The following PTDSS1 variants were observed in gnomAD, a reference collection of about 807,000 sequenced individuals.
The protein encoded by PTDSS1 is phosphatidylserine synthase 1, also known as PSS-1.
Under a neutral mutation model 70.5 loss-of-function variants are expected in PTDSS1, and 45 were observed. That is an observed-to-expected ratio of 0.64 (90% CI 0.50 to 0.82). The LOEUF (loss-of-function observed/expected upper bound fraction) is 0.82, where lower values mean the gene tolerates loss of function less well. PTDSS1 is among the 40% of genes least tolerant of loss of function. The pLI is 0.00. For missense variants in PTDSS1, 417 were observed against 586.1 expected (o/e 0.71, Z 2.98); for synonymous variants, 188 against 203.8 (o/e 0.92, Z 0.66).
At chr8:96,311,596 G>C (rs1355760201) in intron 9 of PTDSS1, among the ~76,000 whole-genome samples, 3 of 152,098 alleles carry the variant, frequency 2.0e-5, no homozygotes, top group Non-Finnish European at 4.4e-5. Flanking sequence ...AGTTTTAAAG[G>C]CTAAAAATGT....
chr8:96,327,488 T>C (rs1313563538), intron 10 of PTDSS1, among the ~76,000 whole-genome samples: 4 of 152,118 alleles, frequency 2.6e-5, no homozygotes, highest in Non-Finnish European at 5.9e-5. Context: ...TCCTGACCTT[T>C]ATTATAAAGA....
At chr8:96,309,327 A>G in intron 8 of PTDSS1, 1 of 408,612 alleles carries the variant, frequency 2.4e-6, no homozygotes, top group Non-Finnish European at 4.4e-6. Flanking sequence ...CCAGACAAGA[A>G]TCTGGCTCTT....
At chr8:96,295,861 A>G (rs1338366739) in intron 5 of PTDSS1, among the ~76,000 whole-genome samples, 2 of 152,178 alleles carry the variant, frequency 1.3e-5, no homozygotes, top group Non-Finnish European at 2.9e-5. Context: ...ATACTTCTCC[A>G]TGCTCATCAT....
rs1235986750 is a variant in PTDSS1, at chr8:96,334,811, T to TC, written c.*1247dup. 6.6e-6 allele frequency: 1 copy of TC among 152,244 alleles called. No homozygotes were observed. Among genetic ancestry groups the TC allele is most frequent in the Non-Finnish European group, 1.5e-5 (1 of 68,040 alleles). 9.4% of individuals were successfully genotyped at this position (152,244 alleles called of 1,614,324 possible). On this transcript the variant is annotated 3_prime_UTR_variant, in exon 13 of 13. Coordinates refer to ENST00000517309, the MANE Select transcript of PTDSS1 (RefSeq NM_014754.3). Reference sequence around the variant, plus strand: ...ATGGTTTCCAAGTTGGACTTTTTTTTCCTCTAACAAGAGGCCAGTACCCAG... The same window carrying TC: ...ATGGTTTCCAAGTTGGACTTTTTTTTCCCTCTAACAAGAGGCCAGTACCCAG...
At chr8:96,327,375 GGGACGTC>G (rs1291634163) in intron 10 of PTDSS1, among the ~76,000 whole-genome samples, 3 of 152,122 alleles carry the variant, frequency 2.0e-5, no homozygotes. Flanking sequence ...ACATGAGAGA[GGGACGTC>G]GCCCGAAAAG....
intron 3 of PTDSS1, 49 bp downstream of exon 3, chr8:96,284,202 T>G (rs1406676144): frequency 6.7e-7 from 1 of 1,501,422 alleles, no homozygotes; most frequent in Admixed American, 1.8e-5. Flanking sequence ...TTTTAATCTT[T>G]TTTCTGCTTA....
intron 9 of PTDSS1, among the ~76,000 whole-genome samples, chr8:96,316,370 A>G (rs1184278394): frequency 1.3e-5 from 2 of 152,194 alleles, no homozygotes; most frequent in African/African-American, 2.4e-5. Flanking sequence ...CATAGACACC[A>G]TGGAATAATA....
intron 10 of PTDSS1, among the ~76,000 whole-genome samples, chr8:96,327,773 C>G (rs947758483): frequency 7.2e-5 from 11 of 152,156 alleles, no homozygotes; most frequent in African/African-American, 2.2e-4. Flanking sequence ...GTCCTGCGCC[C>G]TCCTTGCCGC....
chr8:96,297,787 C>T (rs1198963889), intron 5 of PTDSS1, among the ~76,000 whole-genome samples: 3 of 152,228 alleles, frequency 2.0e-5, no homozygotes, highest in Non-Finnish European at 2.9e-5. Flanking sequence ...ATGCTCCTCA[C>T]GTGTTAGACA....
In PTDSS1 at chr8:96,283,957, G is replaced by A. The variant is rs926750656; in HGVS notation, c.272-152G>A. On this transcript the variant is annotated intron_variant, in intron 2 of 12. Coordinates refer to ENST00000517309, the MANE Select transcript of PTDSS1 (RefSeq NM_014754.3). ...GGAGAAAACATTTCAACCAAACTTT[G>A]ACCTCAAAGTGTTTATGTAGAAAAA... is the stretch of plus-strand genomic sequence containing the variant. 2.0e-4 allele frequency: 109 copies of A among 542,986 alleles called. 1 individual carries two copies. Among genetic ancestry groups the A allele is most frequent in the Non-Finnish European group, 1.1e-4 (33 of 309,462 alleles). The allele number at this position is 542,986 out of a possible 1,614,324, so 33.6% of individuals were successfully genotyped here.
chr8:96,335,254 A>G lies in PTDSS1; in HGVS notation c.*1688A>G, dbSNP rs1811578586. 1 of 152,206 alleles carries G rather than the reference A, an allele frequency of 6.6e-6. No individual in the cohort carries two copies. Among genetic ancestry groups the G allele is most frequent in the Admixed American group, 6.5e-5 (1 of 15,282 alleles). 9.4% of individuals were successfully genotyped at this position (152,206 alleles called of 1,614,324 possible). A position where few individuals can be genotyped will look rare whatever the true frequency, so the allele number is the denominator to read the frequency against. On this transcript the variant is annotated 3_prime_UTR_variant, in exon 13 of 13. Transcript: ENST00000517309. ...CCTGCACTTTTATAACCCATCAAAG[A>G]GGCCATTTTTAAACACAGGTACAAT...
intron 5 of PTDSS1, among the ~76,000 whole-genome samples, chr8:96,297,965 C>T (rs1230498256): frequency 6.6e-6 from 1 of 152,204 alleles, no homozygotes; most frequent in Non-Finnish European, 1.5e-5. Context: ...CTATCGGGGG[C>T]CCATCTCACC....
chr8:96,323,922 C>T (rs891544368), intron 10 of PTDSS1, among the ~76,000 whole-genome samples: 1 of 152,154 alleles, frequency 6.6e-6, no homozygotes. Flanking sequence ...AAGTCATTTC[C>T]TTCCTCTGGA....
chr8:96,273,426 A>G, intron 2 of PTDSS1, 36 bp downstream of exon 2: 1 of 1,494,490 alleles, frequency 6.7e-7, no homozygotes, highest in South Asian at 1.2e-5. Flanking sequence ...TTTCTCCTAT[A>G]TTGTGCCTTT....
In PTDSS1 at chr8:96,299,704, T is replaced by G. The variant is rs1257318976; in HGVS notation, c.611T>G (p.Met204Arg). The G allele has an allele frequency of 6.2e-7, 1 of 1,610,920 alleles. No individual in the cohort carries two copies. The highest frequency in any genetic ancestry group is 8.5e-7 in the Non-Finnish European group (1 of 1,179,218). The change falls in exon 6 of 13, where the codon ATG (methionine) becomes AGG (arginine). Residue 204 changes from methionine to arginine, a missense_variant. By Grantham distance (91) the Met-to-Arg change is moderately conservative. Coordinates refer to ENST00000517309, the MANE Select transcript of PTDSS1 (RefSeq NM_014754.3). ...TCTTGTGTTTCTCAGCTCTTCTTCA[T>G]GCATCTCCTCCCCAATTTTGCCGAG... ...ITWELTELFF[M>R]HLLPNFAECW... is the part of the protein sequence containing the mutation.
intron 2 of PTDSS1, among the ~76,000 whole-genome samples, chr8:96,282,020 A>G (rs1810745567): frequency 6.6e-6 from 1 of 152,220 alleles, no homozygotes; most frequent in Non-Finnish European, 1.5e-5. Flanking sequence ...ATAACATTAT[A>G]GAATTTTTAA....
At position 96,310,043 on chromosome 8, in the gene PTDSS1, C is replaced by T. The variant is rs1050027263; in HGVS notation, c.1073+421C>T. Among the ~76,000 whole-genome samples the T allele has an allele frequency of 2.6e-5, 4 of 151,742 alleles. No homozygotes were observed. The South Asian group carries it at 6.3e-4, about 24-fold the overall frequency. On this transcript the variant is annotated intron_variant, in intron 9 of 12. Transcript: ENST00000517309. ...CTGGTTGAGGCTGAGGCAGGAGAATCGCTTGAACCCGGGAGGCTGAGGTTT... is the reference window on the plus strand; with the variant it reads ...CTGGTTGAGGCTGAGGCAGGAGAATTGCTTGAACCCGGGAGGCTGAGGTTT...
In PTDSS1 at chr8:96,333,635, C is replaced by A; in HGVS notation, c.*69C>A. The A allele has an allele frequency of 6.8e-7, 1 of 1,477,120 alleles. No individual in the cohort carries two copies. Among genetic ancestry groups the A allele is most frequent in the Non-Finnish European group, 9.5e-7 (1 of 1,056,188 alleles). The allele number at this position is 1,477,120 out of a possible 1,614,324, so 91.5% of individuals were successfully genotyped here. A position where few individuals can be genotyped will look rare whatever the true frequency, so the allele number is the denominator to read the frequency against. On this transcript the variant is annotated 3_prime_UTR_variant, in exon 13 of 13. Transcript: ENST00000517309. Reference sequence around the variant, plus strand: ...AGAGGGAAATGGAACTCATTTGGAACTCCCCGTGAGGAGGTCGAGGCGCAC... The same window carrying A: ...AGAGGGAAATGGAACTCATTTGGAAATCCCCGTGAGGAGGTCGAGGCGCAC...
At position 96,333,762 on chromosome 8, in the gene PTDSS1, G is replaced by A. The variant is rs766718193; in HGVS notation, c.*196G>A. 1 of 711,736 alleles carries A rather than the reference G, an allele frequency of 1.4e-6. No individual in the cohort carries two copies. Among genetic ancestry groups the A allele is most frequent in the South Asian group, 1.5e-5 (1 of 67,544 alleles). The allele number at this position is 711,736 out of a possible 1,614,324, so 44.1% of individuals were successfully genotyped here. A position where few individuals can be genotyped will look rare whatever the true frequency, so the allele number is the denominator to read the frequency against. On this transcript the variant is annotated 3_prime_UTR_variant, in exon 13 of 13. Coordinates refer to ENST00000517309, the MANE Select transcript of PTDSS1 (RefSeq NM_014754.3). ...CGCGTCAGGCAGATCATCGCCTGGG[G>A]GGCCTTTGCCAACGTGGGGTCTCTT...
Sources: allele counts gnomAD v4.1 joint callset (sites outside exome capture counted in the v4.1 genomes callset), GRCh38; gene constraint gnomAD v4.1.1; transcripts MANE v1.5; gene names NCBI Gene and HGNC (gene_info 2026-07-23, HGNC 2026-07-21).